The following GLMN variants were observed in gnomAD, a reference collection of about 807,000 sequenced individuals.
GLMN encodes glomulin.
GLMN carries 75 observed loss-of-function variants against 87.8 expected under a neutral mutation model. That is an observed-to-expected ratio of 0.85 (90% confidence interval 0.71 to 1.04). GLMN has a LOEUF of 1.04. Ranked by LOEUF, GLMN falls within the 50% of genes least tolerant of loss-of-function variation. The pLI, the probability that GLMN is intolerant of heterozygous loss-of-function variation, is 0.00. For synonymous variants in GLMN, 206 were observed against 221.6 expected (o/e 0.93, Z 0.63); for missense variants, 588 against 658.8 (o/e 0.89, Z 1.18).
intron 7 of GLMN, among the ~76,000 whole-genome samples, chr1:92,276,161 G>A (rs1249230413): frequency 1.3e-5 from 2 of 152,128 alleles, no homozygotes; most frequent in Non-Finnish European, 2.9e-5. Flanking sequence ...GGGAGGTTGA[G>A]GCTGCAGTGA....
intron 7 of GLMN, among the ~76,000 whole-genome samples, chr1:92,283,315 A>G (rs12076399): frequency 5.9e-5 from 9 of 152,206 alleles, no homozygotes; most frequent in Admixed American, 5.9e-4. Flanking sequence ...CCGGTTCAAC[A>G]TATGCAAATC....
At chr1:92,272,769 TAAA>T (rs1656372199) in intron 7 of GLMN, among the ~76,000 whole-genome samples, 5 of 152,146 alleles carry the variant, frequency 3.3e-5, no homozygotes, top group Admixed American at 3.3e-4. Context: ...ACCACAGGGC[TAAA>T]TAAAGCTTTC....
At chr1:92,267,474 C>T (rs1220976025) in intron 11 of GLMN, among the ~76,000 whole-genome samples, 6 of 152,106 alleles carry the variant, frequency 3.9e-5, no homozygotes, top group African/African-American at 1.4e-4. Context: ...GGGGCTGAGG[C>T]AGGCTGATCA....
chr1:92,246,631 G>A lies in GLMN; in HGVS notation c.1684C>T (p.Leu562Phe). 1 of 1,572,602 alleles carries A rather than the reference G, an allele frequency of 6.4e-7. No individual in the cohort carries two copies. The highest frequency in any genetic ancestry group is 8.8e-7 in the Non-Finnish European group (1 of 1,142,106). ...EMQLKVLHSA[L>F]FTFDLIESVL... ...CTTTCAATCAAATCAAATGTGAAAA[G>A]AGCTGAATGCAGGACCTGCAATGCC... Residue 562 changes from leucine to phenylalanine, a missense_variant, in exon 19 of 19, where the codon CTT (leucine) becomes TTT (phenylalanine). Physicochemically the swap from Leu to Phe is conservative, Grantham distance 22. Coordinates refer to ENST00000370360, the MANE Select transcript of GLMN (RefSeq NM_053274.3).
chr1:92,335,264 A>G, the GLMN span, among the ~76,000 whole-genome samples: 1 of 152,214 alleles, frequency 6.6e-6, no homozygotes, highest in Non-Finnish European at 1.5e-5. Context: ...GGAATGAAAA[A>G]TGAAGCAAAG....
the GLMN span, chr1:92,304,016 G>A: frequency 2.4e-5 from 38 of 1,613,026 alleles, no homozygotes; most frequent in South Asian, 4.0e-4. Flanking sequence ...TGATGTCGTG[G>A]ATGAACGTTC....
chr1:92,369,123 G>C, the GLMN span, among the ~76,000 whole-genome samples: 1 of 152,144 alleles, frequency 6.6e-6, no homozygotes, highest in African/African-American at 2.4e-5. Context: ...ACTTTCAACA[G>C]AAATCTTTTG....
the GLMN span, among the ~76,000 whole-genome samples, chr1:92,322,425 T>G: frequency 2.0e-5 from 3 of 151,304 alleles, no homozygotes; most frequent in African/African-American, 4.9e-5. Context: ...GCACCTGTAA[T>G]CCCAGCTACT....
intron 11 of GLMN, among the ~76,000 whole-genome samples, chr1:92,267,608 G>T (rs2100901016): frequency 6.6e-6 from 1 of 152,048 alleles, no homozygotes; most frequent in East Asian, 1.9e-4. Context: ...GGAGGCTGAG[G>T]CAGGAGAATG....
chr1:92,300,928 C>G (rs956301032), upstream of GLMN, among the ~76,000 whole-genome samples: 1 of 152,002 alleles, frequency 6.6e-6, no homozygotes, highest in African/African-American at 2.4e-5. Flanking sequence ...TTAACATAAA[C>G]AAATACATAA....
At chr1:92,291,320 A>C in intron 4 of GLMN, 98 bp downstream of exon 4, 1 of 1,118,408 alleles carries the variant, frequency 8.9e-7, no homozygotes, top group Non-Finnish European at 1.4e-6. Context: ...ATGTACTTTC[A>C]TGAACCAAAA....
intron 3 of GLMN, among the ~76,000 whole-genome samples, chr1:92,293,581 T>C (rs947390540): frequency 2.6e-5 from 4 of 152,086 alleles, no homozygotes; most frequent in African/African-American, 9.7e-5. Context: ...AGAGCTACCA[T>C]ATGATCCAGC....
At chr1:92,366,521 G>A in the GLMN span, among the ~76,000 whole-genome samples, 1 of 152,144 alleles carries the variant, frequency 6.6e-6, no homozygotes, top group South Asian at 2.1e-4. Context: ...TGCCCAGGGA[G>A]CTATTGTGTT....
chr1:92,370,262 A>G, the GLMN span, among the ~76,000 whole-genome samples: 1 of 152,188 alleles, frequency 6.6e-6, no homozygotes, highest in Non-Finnish European at 1.5e-5. Context: ...CAGTTTGGAC[A>G]ATATTTATAT....
chr1:92,270,415 C>T (rs534393893), intron 8 of GLMN, among the ~76,000 whole-genome samples: 1 of 152,306 alleles, frequency 6.6e-6, no homozygotes, highest in African/African-American at 2.4e-5. Flanking sequence ...CTGTTATTTT[C>T]ATCTGTAAAA....
chr1:92,341,925 G>A, the GLMN span, among the ~76,000 whole-genome samples: 1 of 152,198 alleles, frequency 6.6e-6, no homozygotes, highest in Non-Finnish European at 1.5e-5. Context: ...TTACAGGCGT[G>A]AGCCAACACA....
At chr1:92,291,708 A>T (rs147947787) in intron 3 of GLMN, among the ~76,000 whole-genome samples, 171 bp from the exon 4 acceptor site, 191 of 152,372 alleles carry the variant, frequency 1.3e-3, no homozygotes, top group South Asian at 0.012. Flanking sequence ...ACAGACATCA[A>T]CATTTTTAAA....
At chr1:92,368,289 G>A in the GLMN span, among the ~76,000 whole-genome samples, 2 of 152,164 alleles carry the variant, frequency 1.3e-5, no homozygotes, top group African/African-American at 4.8e-5. Flanking sequence ...TGAGGCAGGA[G>A]AATCGCCTGA....
the GLMN span, among the ~76,000 whole-genome samples, chr1:92,343,586 T>G: frequency 1.3e-5 from 2 of 152,178 alleles, no homozygotes; most frequent in African/African-American, 4.8e-5. Flanking sequence ...AAAATTTGAT[T>G]CAGGTATATA....
Sources: allele counts gnomAD v4.1 joint callset (sites outside exome capture counted in the v4.1 genomes callset), GRCh38; gene constraint gnomAD v4.1.1; transcripts MANE v1.5; gene names NCBI Gene and HGNC (gene_info 2026-07-23, HGNC 2026-07-21).